Variants in SGCD observed in about 807,000 individuals in gnomAD.
The protein encoded by SGCD is delta-sarcoglycan.
SGCD carries 18 observed loss-of-function variants against 36.6 expected under a neutral mutation model. The observed-to-expected ratio is 0.49, with a 90% CI of 0.34 to 0.73. The LOEUF (loss-of-function observed/expected upper bound fraction) is 0.73. Among genes scored for constraint, SGCD ranks in the 30% least tolerant of loss-of-function variants. The pLI is 0.01. For synonymous variants in SGCD, 133 were observed against 130.6 expected (o/e 1.02, Z -0.12); for missense variants, 387 against 346.7 (o/e 1.12, Z -0.92).
intron 6 of SGCD, among the ~76,000 whole-genome samples, chr5:156,644,917 G>T (rs1458707494): frequency 8.2e-6 from 1 of 121,570 alleles, no homozygotes; most frequent in East Asian, 2.4e-4. Context: ...GCAGTGGAGT[G>T]CATTTGAGAT....
intron 4 of SGCD, among the ~76,000 whole-genome samples, chr5:156,564,817 T>C (rs574623871): frequency 1.2e-4 from 19 of 152,318 alleles, no homozygotes; most frequent in Non-Finnish European, 2.6e-4. Flanking sequence ...ATGTAGCATG[T>C]GTCATAATTT....
chr5:156,519,730 A>C (rs1757324812), intron 4 of SGCD, among the ~76,000 whole-genome samples: 1 of 152,202 alleles, frequency 6.6e-6, no homozygotes. Flanking sequence ...AAATCAAAAA[A>C]TATAATTACA....
intron 3 of SGCD, among the ~76,000 whole-genome samples, chr5:156,318,614 C>A (rs1238425506): frequency 1.4e-5 from 2 of 141,358 alleles, no homozygotes; most frequent in African/African-American, 5.3e-5. Context: ...TTTTTTGAGA[C>A]AAAGTCTCAC....
At chr5:156,381,848 T>A (rs1770998715) in intron 3 of SGCD, among the ~76,000 whole-genome samples, 1 of 152,164 alleles carries the variant, frequency 6.6e-6, no homozygotes, top group Admixed American at 6.5e-5. Context: ...AGTAAGTTAC[T>A]GAAACCCTCC....
chr5:156,507,345 G>T (rs1756745823), intron 3 of SGCD, among the ~76,000 whole-genome samples: 2 of 152,166 alleles, frequency 1.3e-5, no homozygotes, highest in African/African-American at 2.4e-5. Context: ...GAGGCCATGA[G>T]CCCAGGAGCC....
At chr5:156,047,329 C>G (rs910159224) in intron 1 of SGCD, among the ~76,000 whole-genome samples, 2 of 152,146 alleles carry the variant, frequency 1.3e-5, no homozygotes, top group Admixed American at 6.5e-5. Flanking sequence ...ACAACAGATT[C>G]TCAATGTAAA....
chr5:156,542,890 G>A (rs892159079), intron 4 of SGCD, among the ~76,000 whole-genome samples: 61 of 152,156 alleles, frequency 4.0e-4, no homozygotes, highest in African/African-American at 1.4e-3. Context: ...CAAATCAGAA[G>A]AGCCAGGCAC....
At chr5:156,073,076 A>G (rs1376449275) in intron 1 of SGCD, among the ~76,000 whole-genome samples, 1 of 152,142 alleles carries the variant, frequency 6.6e-6, no homozygotes, top group Non-Finnish European at 1.5e-5. Flanking sequence ...TTTGGTTTGA[A>G]TTTCCTCCTG....
intron 7 of SGCD, among the ~76,000 whole-genome samples, chr5:156,748,043 C>G (rs559144183): frequency 6.6e-6 from 1 of 152,262 alleles, no homozygotes; most frequent in Non-Finnish European, 1.5e-5. Flanking sequence ...TGCAATCAAC[C>G]ACTACTAAGC....
chr5:155,910,186 C>T (rs966651689), intron 1 of SGCD, among the ~76,000 whole-genome samples: 1 of 151,936 alleles, frequency 6.6e-6, no homozygotes, highest in Admixed American at 6.6e-5. Context: ...CAGCCCCCTC[C>T]CCAATGTCCT....
At chr5:156,741,180 AG>A (rs1276105814) in intron 7 of SGCD, among the ~76,000 whole-genome samples, 1 of 152,198 alleles carries the variant, frequency 6.6e-6, no homozygotes, top group Admixed American at 6.5e-5. Context: ...ATGATCTAAA[AG>A]CTTGTCTAGG....
intron 4 of SGCD, among the ~76,000 whole-genome samples, chr5:156,569,117 AG>A (rs1255343442): frequency 6.6e-6 from 1 of 152,178 alleles, no homozygotes; most frequent in Non-Finnish European, 1.5e-5. Flanking sequence ...ACAGTCTAAA[AG>A]CTTTCTGGCA....
chr5:156,024,367 A>G (rs1232242049), intron 1 of SGCD, among the ~76,000 whole-genome samples: 1 of 151,646 alleles, frequency 6.6e-6, no homozygotes, highest in African/African-American at 2.4e-5. Context: ...ATGTTGAAGG[A>G]AGAGACAACA....
At chr5:156,313,917 C>G (rs765168437) in intron 3 of SGCD, among the ~76,000 whole-genome samples, 1 of 151,912 alleles carries the variant, frequency 6.6e-6, no homozygotes. Flanking sequence ...CAGCACAGGC[C>G]GTGACATCTA....
At chr5:156,430,190 A>C (rs1255372566) in intron 3 of SGCD, among the ~76,000 whole-genome samples, 1 of 152,090 alleles carries the variant, frequency 6.6e-6, no homozygotes, top group Non-Finnish European at 1.5e-5. Context: ...TCCATATTTC[A>C]TGGATACTTT....
At chr5:156,332,676 C>T (rs188639617) in intron 2 of SGCD, among the ~76,000 whole-genome samples, 50 of 152,258 alleles carry the variant, frequency 3.3e-4, no homozygotes, top group African/African-American at 1.2e-3. Flanking sequence ...TGAGCAGAGT[C>T]GCAGGAGGAC....
intron 3 of SGCD, among the ~76,000 whole-genome samples, chr5:156,229,696 A>G (rs541716559): frequency 1.5e-4 from 23 of 152,130 alleles, no homozygotes; most frequent in Middle Eastern, 3.4e-3. Context: ...TGCTTCTTGT[A>G]TTTGGATGTC....
At chr5:156,100,923 G>C (rs956033321) in intron 1 of SGCD, among the ~76,000 whole-genome samples, 1 of 152,084 alleles carries the variant, frequency 6.6e-6, no homozygotes. Context: ...ATGTTTATTT[G>C]TCAAAGCCTA....
chr5:155,995,209 ATC>A (rs918062361), intron 1 of SGCD, among the ~76,000 whole-genome samples: 46 of 152,176 alleles, frequency 3.0e-4, no homozygotes, highest in African/African-American at 1.1e-3. Context: ...ATGCCCCCTT[ATC>A]TCTACAAGAG....
Sources: allele counts gnomAD v4.1 joint callset (sites outside exome capture counted in the v4.1 genomes callset), GRCh38; gene constraint gnomAD v4.1.1; transcripts MANE v1.5; gene names NCBI Gene and HGNC (gene_info 2026-07-23, HGNC 2026-07-21).